PDZD2: variants seen among roughly 807,000 people sequenced by gnomAD.
PDZD2 encodes PDZ domain-containing protein 2.
Under a neutral mutation model 220.7 loss-of-function variants are expected in PDZD2, and 90 were observed. The observed-to-expected ratio is 0.41, with a 90% CI of 0.34 to 0.49. The LOEUF (loss-of-function observed/expected upper bound fraction) is 0.49, where lower values mean the gene tolerates loss of function less well. Among genes scored for constraint, PDZD2 ranks in the 20% least tolerant of loss-of-function variants. PDZD2 has a pLI of 0.28. For missense variants in PDZD2, 3,174 were observed against 3,608.5 expected (o/e 0.88, Z 3.08); for synonymous variants, 1,375 against 1,450.5 (o/e 0.95, Z 1.18).
chr5:31,843,271 CT>C (rs879376524), intron 2 of PDZD2: 642 of 139,272 alleles, frequency 4.6e-3, no homozygotes, highest in Middle Eastern at 7.5e-3. Flanking sequence ...CTTTTTCTTT[CT>C]TTTTTTTTTT....
intron 14 of PDZD2, among the ~76,000 whole-genome samples, chr5:32,062,210 A>G (rs1226879980): frequency 1.3e-5 from 2 of 152,264 alleles, no homozygotes; most frequent in African/African-American, 4.8e-5. Context: ...ATAAGATGAA[A>G]TCTGGCTTTG....
At chr5:32,042,774 A>G (rs1186587354) in intron 7 of PDZD2, among the ~76,000 whole-genome samples, 1 of 152,140 alleles carries the variant, frequency 6.6e-6, no homozygotes, top group Non-Finnish European at 1.5e-5. Context: ...AAGAACAAAG[A>G]GAAAGTCATT....
chr5:31,706,531 G>A (rs572658058), intron 1 of PDZD2, among the ~76,000 whole-genome samples: 1 of 152,036 alleles, frequency 6.6e-6, no homozygotes, highest in African/African-American at 2.4e-5. Flanking sequence ...CTACCAGAGA[G>A]AGCCTGGGCA....
chr5:31,888,014 AT>A (rs1740674705), intron 2 of PDZD2, among the ~76,000 whole-genome samples: 3 of 151,910 alleles, frequency 2.0e-5, no homozygotes, highest in Admixed American at 2.0e-4. Flanking sequence ...ATACAACCCT[AT>A]TTTTCGAGCC....
At chr5:31,754,893 T>C (rs1277778990) in intron 1 of PDZD2, among the ~76,000 whole-genome samples, 1 of 152,196 alleles carries the variant, frequency 6.6e-6, no homozygotes, top group African/African-American at 2.4e-5. Flanking sequence ...AGAACAACAT[T>C]TGGTGTGTTT....
Position 31,792,834 on chromosome 5 carries a change from T to TTTA in PDZD2, c.-360-6041_-360-6039dup, listed in dbSNP as rs571191915. 2.7e-3 allele frequency among the ~76,000 whole-genome samples: 411 copies of TTTA among 151,746 alleles called. 6 individuals are homozygous for TTTA. The highest frequency in any genetic ancestry group is 9.3e-3 in the African/African-American group (384 of 41,360). On this transcript the variant is annotated intron_variant, in intron 1 of 24. Coordinates refer to ENST00000438447, the MANE Select transcript of PDZD2 (RefSeq NM_178140.4). ...ATGGAAGGTGCTTATTTAATTTAAT[T>TTTA]TTATTATTATTATTATATTTGAGAC...
chr5:32,062,755 G>A (rs139546979), intron 14 of PDZD2, among the ~76,000 whole-genome samples: 13 of 152,212 alleles, frequency 8.5e-5, no homozygotes, highest in African/African-American at 2.9e-4. Flanking sequence ...CAATTGTTCT[G>A]TAATCTACCT....
chr5:31,931,415 C>G (rs1160509782), intron 2 of PDZD2, among the ~76,000 whole-genome samples: 1 of 152,194 alleles, frequency 6.6e-6, no homozygotes, highest in Non-Finnish European at 1.5e-5. Context: ...GCCTTGACCT[C>G]CCAAAGTACT....
chr5:31,945,870 CTCTT>C (rs1264555086), intron 2 of PDZD2, among the ~76,000 whole-genome samples: 5 of 152,028 alleles, frequency 3.3e-5, no homozygotes, highest in Admixed American at 2.6e-4. Flanking sequence ...TCCTTTTTTC[CTCTT>C]TCTATTTCTA....
intron 3 of PDZD2, among the ~76,000 whole-genome samples, chr5:31,984,165 A>G (rs1253689192): frequency 1.3e-5 from 2 of 152,210 alleles, no homozygotes; most frequent in African/African-American, 2.4e-5. Context: ...AAAATTAGTG[A>G]TGTTTTCATG....
chr5:31,838,663 T>C lies in PDZD2; in HGVS notation c.476+38939T>C, dbSNP rs1402053055. Among the ~76,000 whole-genome samples, 7 of 152,334 alleles carry C rather than the reference T, an allele frequency of 4.6e-5. No individual in the cohort carries two copies. The East Asian group carries it at 1.3e-3, about 29-fold the overall frequency. On this transcript the variant is annotated intron_variant, in intron 2 of 24. Coordinates refer to ENST00000438447, the MANE Select transcript of PDZD2 (RefSeq NM_178140.4). ...CATCGTTATTTTCTTCACAAGGCCA[T>C]GGTTTTCAGTGGTAGTTTTTCATTG...
intron 1 of PDZD2, chr5:31,747,812 A>C (rs1454463664): frequency 6.6e-6 from 1 of 152,256 alleles, no homozygotes; most frequent in Non-Finnish European, 1.5e-5. Context: ...GCTCCCCAAT[A>C]CTCCAGCCCC....
rs556147677 is a variant in PDZD2 at position 31,872,333 on chromosome 5, A to G, written c.476+72609A>G. On this transcript the variant is annotated intron_variant, in intron 2 of 24. Transcript: ENST00000438447. ...TTCCCTGGGGAAAAATCATGGGTACAGGAAGGACACAGGTCACTTCTCTAG... is the reference window on the plus strand; with the variant it reads ...TTCCCTGGGGAAAAATCATGGGTACGGGAAGGACACAGGTCACTTCTCTAG... Among the ~76,000 whole-genome samples the G allele has an allele frequency of 1.1e-4, 17 of 152,168 alleles. 1 individual carries two copies. The highest frequency in any genetic ancestry group is 2.0e-4 in the Admixed American group (3 of 15,260).
chr5:31,892,202 G>A (rs1741110645), intron 2 of PDZD2, among the ~76,000 whole-genome samples: 2 of 152,096 alleles, frequency 1.3e-5, no homozygotes, highest in Non-Finnish European at 2.9e-5. Flanking sequence ...GAGACACTGT[G>A]CCTGGCCCCA....
intron 2 of PDZD2, among the ~76,000 whole-genome samples, chr5:31,838,214 C>T (rs1273557435): frequency 1.3e-5 from 2 of 152,122 alleles, no homozygotes; most frequent in Non-Finnish European, 2.9e-5. Context: ...CCCTCCATCA[C>T]ACCCAGCTAA....
intron 1 of PDZD2, among the ~76,000 whole-genome samples, chr5:31,774,815 C>G (rs1752544762): frequency 6.6e-6 from 1 of 151,978 alleles, no homozygotes; most frequent in South Asian, 2.1e-4. Flanking sequence ...TACTTCCTGA[C>G]TTTTTACACA....
intron 6 of PDZD2, among the ~76,000 whole-genome samples, chr5:32,020,559 C>G (rs1037243775): frequency 1.3e-5 from 2 of 151,838 alleles, no homozygotes; most frequent in Non-Finnish European, 2.9e-5. Context: ...CTGTCAGAAT[C>G]TTACTCTTAA....
At chr5:31,899,204 CACAGCA>C (rs1232192708) in intron 2 of PDZD2, among the ~76,000 whole-genome samples, 1 of 152,100 alleles carries the variant, frequency 6.6e-6, no homozygotes, top group Non-Finnish European at 1.5e-5. Flanking sequence ...CTGGCATGAT[CACAGCA>C]ACATCCGCCT....
At chr5:31,921,548 G>T (rs2150380086) in intron 2 of PDZD2, among the ~76,000 whole-genome samples, 1 of 152,178 alleles carries the variant, frequency 6.6e-6, no homozygotes, top group Non-Finnish European at 1.5e-5. Context: ...AAATTAGCTG[G>T]GTGTGCTGGT....
Sources: allele counts gnomAD v4.1 joint callset (sites outside exome capture counted in the v4.1 genomes callset), GRCh38; gene constraint gnomAD v4.1.1; transcripts MANE v1.5; gene names NCBI Gene and HGNC (gene_info 2026-07-23, HGNC 2026-07-21).